Variants in ROBO1 observed in about 807,000 individuals in gnomAD.
ROBO1 encodes the protein roundabout guidance receptor 1.
Under a neutral mutation model 195.9 loss-of-function variants are expected in ROBO1, and 149 were observed. The ratio of observed to expected loss-of-function variants is 0.76; its 90% CI spans 0.67 to 0.87. ROBO1 has a LOEUF of 0.87. ROBO1 is among the 40% of genes least tolerant of loss of function. The probability of loss-of-function intolerance (pLI) is 0.00; values close to 1 mark genes in which losing one functional copy is unlikely to be tolerated. For synonymous variants in ROBO1, 816 were observed against 733.2 expected (o/e 1.11, Z -1.82); for missense variants, 1,933 against 2,068.3 (o/e 0.93, Z 1.27).
At chr3:79,237,459 C>T (rs886649001) in intron 2 of ROBO1, among the ~76,000 whole-genome samples, 7 of 145,144 alleles carry the variant, frequency 4.8e-5, no homozygotes, top group Admixed American at 4.2e-4. Context: ...CCAGCCTGGG[C>T]GACAGAGCAA....
chr3:78,645,893 T>G (rs1443562498), intron 21 of ROBO1, among the ~76,000 whole-genome samples: 1 of 152,084 alleles, frequency 6.6e-6, no homozygotes, highest in East Asian at 1.9e-4. Context: ...AATCATTTGC[T>G]AAATCAGCAA....
At chr3:78,681,084 CA>C (rs1407032533) in intron 10 of ROBO1, among the ~76,000 whole-genome samples, 3 of 149,244 alleles carry the variant, frequency 2.0e-5, no homozygotes, top group African/African-American at 4.9e-5. Context: ...ATCGCAAGGA[CA>C]AAAAACCAAA....
intron 3 of ROBO1, among the ~76,000 whole-genome samples, chr3:79,081,269 G>T (rs1037391666): frequency 5.3e-5 from 8 of 151,876 alleles, no homozygotes; most frequent in Admixed American, 2.6e-4. Flanking sequence ...CTCCTGCTAA[G>T]ATGCTGCCAT....
chr3:79,325,819 T>C (rs977909058), intron 2 of ROBO1, among the ~76,000 whole-genome samples: 3 of 152,186 alleles, frequency 2.0e-5, no homozygotes, highest in Non-Finnish European at 4.4e-5. Flanking sequence ...ATAACAGCAA[T>C]GTTTAGGAAA....
chr3:79,610,884 G>A (rs1449479498), intron 1 of ROBO1, among the ~76,000 whole-genome samples: 1 of 152,060 alleles, frequency 6.6e-6, no homozygotes, highest in East Asian at 1.9e-4. Flanking sequence ...AAAAACATTA[G>A]GAGTCTATCA....
At chr3:78,631,922 A>T (rs1044190005) in intron 24 of ROBO1, among the ~76,000 whole-genome samples, 14 of 152,178 alleles carry the variant, frequency 9.2e-5, no homozygotes, top group South Asian at 4.1e-4. Flanking sequence ...CTTATGGTAA[A>T]ATGATGTTGC....
chr3:79,114,378 G>C (rs2079950811), intron 3 of ROBO1, among the ~76,000 whole-genome samples: 1 of 152,160 alleles, frequency 6.6e-6, no homozygotes, highest in African/African-American at 2.4e-5. Flanking sequence ...TCCAGTAAAT[G>C]AACAATACTA....
intron 5 of ROBO1, among the ~76,000 whole-genome samples, chr3:78,722,126 A>G (rs908694369): frequency 2.6e-5 from 4 of 152,156 alleles, no homozygotes; most frequent in African/African-American, 7.2e-5. Flanking sequence ...AAAAAATTGT[A>G]TAACTGAATC....
chr3:79,170,027 C>A (rs914937247), intron 2 of ROBO1, among the ~76,000 whole-genome samples: 1 of 151,848 alleles, frequency 6.6e-6, no homozygotes, highest in African/African-American at 2.4e-5. Context: ...AGAGAGAGAG[C>A]GAGAGAGAGA....
chr3:78,696,397 T>C (rs1269922469), intron 8 of ROBO1, among the ~76,000 whole-genome samples: 1 of 152,060 alleles, frequency 6.6e-6, no homozygotes, highest in African/African-American at 2.4e-5. Flanking sequence ...TTCTTTTGCA[T>C]GAGAAAACAG....
intron 2 of ROBO1, among the ~76,000 whole-genome samples, chr3:79,406,616 G>A (rs1433936849): frequency 7.3e-5 from 11 of 151,654 alleles, no homozygotes. Context: ...GGTGTTGGTA[G>A]TGGCTACATA....
At chr3:79,128,294 ACT>A (rs932282423) in intron 2 of ROBO1, among the ~76,000 whole-genome samples, 3 of 152,036 alleles carry the variant, frequency 2.0e-5, no homozygotes, top group African/African-American at 7.2e-5. Flanking sequence ...CTAGAAACAC[ACT>A]GTCACTAGAG....
intron 3 of ROBO1, among the ~76,000 whole-genome samples, chr3:79,007,926 C>A (rs1221458914): frequency 6.6e-6 from 1 of 152,278 alleles, no homozygotes; most frequent in African/African-American, 2.4e-5. Context: ...TTAAATAATG[C>A]TCTTTACAAT....
chr3:79,737,567 G>C (rs1703441042), intron 1 of ROBO1, among the ~76,000 whole-genome samples: 1 of 152,068 alleles, frequency 6.6e-6, no homozygotes, highest in African/African-American at 2.4e-5. Flanking sequence ...AAGGCAGAGA[G>C]GCAAACAATG....
Position 79,336,684 on chromosome 3 carries a change from C to T in ROBO1, c.89-211145G>A, listed in dbSNP as rs548886493. Reference sequence around the variant, plus strand: ...ACAGAAAGTCCCCACTGGGCCATTACCTAGTGGAGCTGTGAGAAGAGGGCC... The same window carrying T: ...ACAGAAAGTCCCCACTGGGCCATTATCTAGTGGAGCTGTGAGAAGAGGGCC... On this transcript the variant is annotated intron_variant, in intron 2 of 30. Coordinates refer to ENST00000464233, the MANE Select transcript of ROBO1 (RefSeq NM_002941.4). Among the ~76,000 whole-genome samples, 7 of 152,308 alleles carry T rather than the reference C, an allele frequency of 4.6e-5. No homozygotes were observed. The South Asian group carries it at 1.2e-3, about 27-fold the overall frequency.
At chr3:79,414,181 G>GTC (rs531510002) in intron 2 of ROBO1, among the ~76,000 whole-genome samples, 35 of 148,694 alleles carry the variant, frequency 2.4e-4, no homozygotes, top group South Asian at 4.3e-4. Flanking sequence ...TATATTAACA[G>GTC]TCTCTCTCTC....
chr3:78,705,300 T>C (rs1262269030), intron 8 of ROBO1, among the ~76,000 whole-genome samples: 1 of 152,204 alleles, frequency 6.6e-6, no homozygotes, highest in Non-Finnish European at 1.5e-5. Context: ...AAAACAATCA[T>C]AGAAACAGTA....
In ROBO1 at chr3:78,717,279, A is replaced by T; in HGVS notation, c.913T>A (p.Ser305Thr). Residue 305 changes from serine to threonine, a missense_variant, in exon 7 of 31, where the codon TCC (serine) becomes ACC (threonine). By Grantham distance (58) the Ser-to-Thr change is moderately conservative (BLOSUM62 1). Around this residue, in one of 3 missense-constraint regions of ROBO1, gnomAD observed 1,737 missense variants for 1,882.5 expected, o/e 0.92. Coordinates refer to ENST00000464233, the MANE Select transcript of ROBO1 (RefSeq NM_002941.4). ...WRKDDGELPK[S>T]RYEIRDDHTL... Reference sequence around the variant, plus strand: ...TCATGAAACTCTGATGTGTACCTGGATTTGGGCAGCTCTCCATCATCTTTC... The same window carrying T: ...TCATGAAACTCTGATGTGTACCTGGTTTTGGGCAGCTCTCCATCATCTTTC... 6.4e-7 allele frequency: 1 copy of T among 1,569,144 alleles called. No homozygotes were observed. The highest frequency in any genetic ancestry group is 8.6e-7 in the Non-Finnish European group (1 of 1,162,534).
chr3:79,654,630 A>G (rs1282962883), intron 1 of ROBO1, among the ~76,000 whole-genome samples: 1 of 152,056 alleles, frequency 6.6e-6, no homozygotes, highest in Non-Finnish European at 1.5e-5. Context: ...TGCATTTAAT[A>G]TAAAAATTTG....
Sources: gnomAD v4.1 joint callset for allele counts (sites outside exome capture counted in the v4.1 genomes callset) on GRCh38, gnomAD v4.1.1 for gene constraint, gnomAD v4.1.1 regional missense constraint, MANE v1.5 for transcripts, NCBI Gene and HGNC (gene_info 2026-07-23, HGNC 2026-07-21) for gene names.